Variants in RPTOR observed in about 807,000 individuals in gnomAD.
RPTOR encodes the protein regulatory-associated protein of mTOR.
A neutral mutation model predicts 169.9 loss-of-function variants in RPTOR; 21 were observed. The ratio of observed to expected loss-of-function variants is 0.12; its 90% CI spans 0.09 to 0.18. The LOEUF (loss-of-function observed/expected upper bound fraction) is 0.18. Among genes scored for constraint, RPTOR ranks in the 10% least tolerant of loss-of-function variants. The probability of loss-of-function intolerance (pLI) is 1.00; values close to 1 mark genes in which losing one functional copy is unlikely to be tolerated. For synonymous variants in RPTOR, 732 were observed against 753.2 expected, an observed-to-expected ratio of 0.97 and a Z score of 0.46; for missense variants, 1,133 against 1,855.9, an observed-to-expected ratio of 0.61 and a Z score of 7.16.
At chr17:80,739,178 G>A (rs1464043508) in intron 5 of RPTOR, among the ~76,000 whole-genome samples, 4 of 35,022 alleles carry the variant, frequency 1.1e-4, no homozygotes, top group Middle Eastern at 0.014. Flanking sequence ...GGCTCGCCCC[G>A]CCCCGACGCG....
intron 20 of RPTOR, among the ~76,000 whole-genome samples, chr17:80,903,631 A>G (rs1168273656): frequency 6.6e-6 from 1 of 152,072 alleles, no homozygotes. Flanking sequence ...CAATCCTCCC[A>G]CCTCACCTTC....
intron 1 of RPTOR, among the ~76,000 whole-genome samples, chr17:80,611,453 GA>G (rs1476846837): frequency 2.0e-5 from 3 of 152,086 alleles, no homozygotes; most frequent in Non-Finnish European, 4.4e-5. Context: ...TTCTAGTAGA[GA>G]GGGGGTTTCA....
At chr17:80,691,317 G>T (rs775486419) in intron 3 of RPTOR, among the ~76,000 whole-genome samples, 3 of 110,286 alleles carry the variant, frequency 2.7e-5, no homozygotes, top group Non-Finnish European at 5.4e-5. Flanking sequence ...ATGCACGTGT[G>T]TGCATGCATA....
rs138692722 is a variant in RPTOR, at chr17:80,922,805, G to A, written c.2602G>A (p.Gly868Ser). ...GGCCCCCGCCAGCCCCACCAACAAG[G>A]GCGTGCACATCCACCAGGCGGGGTA... is the stretch of plus-strand genomic sequence containing the variant. ...QSAPASPTNK[G>S]VHIHQAGGSP... Residue 868 changes from glycine (G) to serine (S), a missense_variant, in exon 22 of 34, where the codon GGC becomes AGC. Transcript: ENST00000306801. The A allele has an allele frequency of 1.1e-5, 17 of 1,582,990 alleles. 1 individual carries two copies. In the African/African-American group the frequency reaches 2.0e-4, roughly 19 times the overall value.
At chr17:80,717,455 TG>T (rs1483981817) in intron 4 of RPTOR, among the ~76,000 whole-genome samples, 2 of 152,274 alleles carry the variant, frequency 1.3e-5, no homozygotes, top group African/African-American at 2.4e-5. Flanking sequence ...CTTTCTTGGT[TG>T]TATTTTCCCC....
At chr17:80,904,195 G>A (rs1420779674) in intron 20 of RPTOR, among the ~76,000 whole-genome samples, 2 of 152,238 alleles carry the variant, frequency 1.3e-5, no homozygotes, top group Admixed American at 6.5e-5. Flanking sequence ...CAGCCACACC[G>A]AGTTGTGGGT....
Position 80,567,803 on chromosome 17 carries a change from AAAAT to A in RPTOR, c.162+22040_162+22043del, listed in dbSNP as rs199905629. On this transcript the variant is annotated intron_variant, in intron 1 of 33. Transcript: ENST00000306801. ...TGAGACTCTGTATCAAAAAATAAAT[AAAAT>A]AAATAAATAAATAAATAAATAAATA... Among the ~76,000 whole-genome samples, 275 of 148,552 alleles carry A rather than the reference AAAAT, an allele frequency of 1.9e-3. 1 individual carries two copies. Among genetic ancestry groups the A allele is most frequent in the Admixed American group, 3.4e-3 (50 of 14,802 alleles).
At chr17:80,921,773 G>A (rs2068747554) in intron 21 of RPTOR, among the ~76,000 whole-genome samples, 1 of 152,122 alleles carries the variant, frequency 6.6e-6, no homozygotes, top group Non-Finnish European at 1.5e-5. Context: ...CCACTAGGCT[G>A]TGCCAGCTGT....
At chr17:80,778,388 C>T (rs1447118954) in intron 6 of RPTOR, among the ~76,000 whole-genome samples, 1 of 152,214 alleles carries the variant, frequency 6.6e-6, no homozygotes, top group Non-Finnish European at 1.5e-5. Flanking sequence ...ATCTGCTTGG[C>T]ACCCTTTGGA....
intron 13 of RPTOR, chr17:80,858,148 C>T: frequency 1.9e-6 from 1 of 529,196 alleles, no homozygotes; most frequent in Non-Finnish European, 3.4e-6. Flanking sequence ...AGTCCCCCCA[C>T]ACCGTCCTGT....
chr17:80,964,415 T>C lies in RPTOR; in HGVS notation c.*85T>C, dbSNP rs1420422947. Reference sequence around the variant, plus strand: ...CGCCGGGGCACGGGGCGTCGGCTGCTGCGGCCCCGCAGTGTGAACGTTGGC... The same window carrying C: ...CGCCGGGGCACGGGGCGTCGGCTGCCGCGGCCCCGCAGTGTGAACGTTGGC... On this transcript the variant is annotated 3_prime_UTR_variant, in exon 34 of 34. Coordinates refer to ENST00000306801, the MANE Select transcript of RPTOR (RefSeq NM_020761.3). 1.5e-6 allele frequency: 2 copies of C among 1,357,354 alleles called. No homozygotes were observed. Among genetic ancestry groups the C allele is most frequent in the African/African-American group, 2.8e-5 (2 of 70,314 alleles). 84.1% of individuals were successfully genotyped at this position (1,357,354 alleles called of 1,614,324 possible). A position where few individuals can be genotyped will look rare whatever the true frequency, so the allele number is the denominator to read the frequency against.
intron 25 of RPTOR, 192 bp from the exon 26 acceptor site, chr17:80,945,475 C>G: frequency 2.4e-6 from 1 of 421,480 alleles, no homozygotes; most frequent in Non-Finnish European, 4.3e-6. Context: ...ACCTGTAGTC[C>G]CAGCTACTCA....
intron 13 of RPTOR, among the ~76,000 whole-genome samples, chr17:80,876,798 C>T (rs1256722585): frequency 7.7e-6 from 1 of 130,420 alleles, no homozygotes; most frequent in Non-Finnish European, 1.6e-5. Flanking sequence ...GAGCCCGTGC[C>T]ACACAGGGTG....
intron 11 of RPTOR, among the ~76,000 whole-genome samples, chr17:80,855,045 T>C (rs1362074499): frequency 6.6e-6 from 1 of 152,230 alleles, no homozygotes; most frequent in East Asian, 1.9e-4. Flanking sequence ...ACATACCTAC[T>C]GATATGAACA....
intron 24 of RPTOR, among the ~76,000 whole-genome samples, chr17:80,934,427 T>C (rs1041553455): frequency 6.6e-6 from 1 of 152,358 alleles, no homozygotes; most frequent in South Asian, 2.1e-4. Flanking sequence ...GGTGTGATCA[T>C]TGATCTTTGC....
At chr17:80,851,338 G>A (rs760566113) in intron 11 of RPTOR, among the ~76,000 whole-genome samples, 17 of 152,250 alleles carry the variant, frequency 1.1e-4, no homozygotes, top group Admixed American at 4.6e-4. Flanking sequence ...GGGATGGTCC[G>A]GAACAGGAGG....
In RPTOR at chr17:80,708,035, CA is replaced by C. The variant is rs2143094684; in HGVS notation, c.507+40del. ...CTTCCAGCTTCCTTCCCGTTTCTGC[CA>C]AAAGCCATGCCAATTGCGGTGGTCG... On this transcript the variant is annotated intron_variant, in intron 4 of 33. Transcript: ENST00000306801. The surrounding 1 kb of genome is among the most constrained non-coding windows in gnomAD (Gnocchi z 4.2). The C allele has an allele frequency of 1.9e-6, 3 of 1,597,260 alleles. No individual in the cohort carries two copies. The highest frequency in any genetic ancestry group is 1.7e-5 in the Admixed American group (1 of 58,848).
chr17:80,927,361 GTTGGTAATTTC>G (rs2068822856), intron 24 of RPTOR, among the ~76,000 whole-genome samples: 1 of 152,214 alleles, frequency 6.6e-6, no homozygotes, highest in South Asian at 2.1e-4. Context: ...GGCTGTACAT[GTTGGTAATTTC>G]TTGGTGTGAT....
Position 80,721,870 on chromosome 17 carries a change from A to G in RPTOR, c.508-8690A>G, listed in dbSNP as rs962147838. On this transcript the variant is annotated intron_variant, in intron 4 of 33. Coordinates refer to ENST00000306801, the MANE Select transcript of RPTOR (RefSeq NM_020761.3). This position sits in a 1 kb window ranked among gnomAD's most constrained non-coding sequence, Gnocchi z 4.7. ...TTCATTATTATCCAATTTGGTATATATATATATATTTCAGGTTTTTATGAA... is the reference window on the plus strand; with the variant it reads ...TTCATTATTATCCAATTTGGTATATGTATATATATTTCAGGTTTTTATGAA... Among the ~76,000 whole-genome samples, 1 of 151,082 alleles carries G rather than the reference A, an allele frequency of 6.6e-6. No individual in the cohort carries two copies. Among genetic ancestry groups the G allele is most frequent in the East Asian group, 1.9e-4 (1 of 5,174 alleles).
Sources: allele counts gnomAD v4.1 joint callset (sites outside exome capture counted in the v4.1 genomes callset), GRCh38; gene constraint gnomAD v4.1.1; non-coding constraint Gnocchi (gnomAD v3.1); transcripts MANE v1.5; gene names NCBI Gene and HGNC (gene_info 2026-07-23, HGNC 2026-07-21).